Variants in GTF2IRD1 observed in about 807,000 individuals in gnomAD.
The protein encoded by GTF2IRD1 is GTF2I repeat domain containing 1, also known as general transcription factor II-I repeat domain-containing protein 1.
Under a neutral mutation model 113.2 loss-of-function variants are expected in GTF2IRD1, and 26 were observed. That is an observed-to-expected ratio of 0.23 (90% CI 0.17 to 0.32). The LOEUF (loss-of-function observed/expected upper bound fraction) is 0.32. Among genes scored for constraint, GTF2IRD1 ranks in the 10% least tolerant of loss-of-function variants. The pLI, the probability that GTF2IRD1 is intolerant of heterozygous loss-of-function variation, is 1.00. For synonymous variants in GTF2IRD1, 484 were observed against 529.1 expected (o/e 0.91, Z 1.17); for missense variants, 864 against 1,280.8 (o/e 0.67, Z 4.97).
intron 17 of GTF2IRD1, among the ~76,000 whole-genome samples, chr7:74,548,762 G>A (rs1436246761): frequency 3.9e-5 from 6 of 151,980 alleles, no homozygotes; most frequent in African/African-American, 1.4e-4. Context: ...AAATTAGCTG[G>A]GCATGATGGT....
chr7:74,561,688 G>A (rs778637531), intron 22 of GTF2IRD1, among the ~76,000 whole-genome samples: 7 of 152,108 alleles, frequency 4.6e-5, no homozygotes, highest in Non-Finnish European at 8.8e-5. Flanking sequence ...GTGGACACCC[G>A]GCTGAGAGGT....
chr7:74,544,639 G>A, intron 14 of GTF2IRD1, 116 bp from the exon 15 acceptor site: 2 of 884,252 alleles, frequency 2.3e-6, no homozygotes, highest in Non-Finnish European at 3.7e-6. Context: ...TGGGTGCCAT[G>A]CTTCAGAGTT....
At chr7:74,567,043 T>C (rs1269623126) in intron 22 of GTF2IRD1, among the ~76,000 whole-genome samples, 2 of 152,036 alleles carry the variant, frequency 1.3e-5, no homozygotes, top group Admixed American at 1.3e-4. Context: ...CAAAAATGTA[T>C]GGAGGGCCAG....
Position 74,521,249 on chromosome 7 carries a change from G to T in GTF2IRD1, c.958G>T (p.Val320Phe), listed in dbSNP as rs587705657. The T allele has an allele frequency of 6.2e-7, 1 of 1,612,040 alleles. No individual in the cohort carries two copies. Among genetic ancestry groups the T allele is most frequent in the South Asian group, 1.1e-5 (1 of 91,042 alleles). Residue 320 changes from valine (V) to phenylalanine (F), a missense_variant, in exon 7 of 27, where the codon GTC becomes TTC. By Grantham distance (50) the Val-to-Phe change is conservative. Around this residue, in one of 7 missense-constraint regions of GTF2IRD1, gnomAD observed 195 missense variants for 196.6 expected, o/e 0.99. Transcript: ENST00000424337. ...GCCTGGTGGGCCTCTCATCCAGAAC[G>T]TCCATGCCTCCAAGCGCATTCTCTT... Reference protein sequence around the residue: ...TGPGGPLIQNVHASKRILFSI... With the variant: ...TGPGGPLIQNFHASKRILFSI...
intron 3 of GTF2IRD1, 126 bp from the exon 4 acceptor site, chr7:74,515,315 C>T (rs1796865864): frequency 2.0e-6 from 3 of 1,518,552 alleles, no homozygotes; most frequent in Non-Finnish European, 2.7e-6. Context: ...TTCATTCATT[C>T]ATTCACTTGT....
chr7:74,533,166 A>C (rs1200970648), intron 9 of GTF2IRD1, among the ~76,000 whole-genome samples: 9 of 122,734 alleles, frequency 7.3e-5, no homozygotes, highest in East Asian at 2.4e-4. Context: ...ATGGAGTCTC[A>C]CTCTATTGCC....
Position 74,539,900 on chromosome 7 carries a change from A to G in GTF2IRD1, c.1550A>G (p.Glu517Gly), listed in dbSNP as rs1268274407. The change falls in exon 14 of 27, where the codon GAA (glutamate) becomes GGA (glycine). Residue 517 changes from glutamate (E) to glycine (G), a missense_variant. Glu to Gly is a moderately conservative substitution (Grantham distance 98). This residue lies in a region of GTF2IRD1 where 218 missense variants were observed against 352.6 expected (regional missense o/e 0.62). Coordinates refer to ENST00000424337, the MANE Select transcript of GTF2IRD1 (RefSeq NM_005685.4). ...TVPDPSPTSE[E>G]MTDSMPGHLP... ...TCAGACCCCTCGCCAACCTCTGAGG[A>G]AATGACAGACTCGATGCCTGGGCAC... 1.6e-5 allele frequency: 25 copies of G among 1,612,632 alleles called. No individual in the cohort carries two copies. The highest frequency in any genetic ancestry group is 2.7e-5 in the African/African-American group (2 of 74,854).
chr7:74,516,580 T>C (rs1796938645), intron 4 of GTF2IRD1, among the ~76,000 whole-genome samples: 4 of 151,396 alleles, frequency 2.6e-5, no homozygotes, highest in Admixed American at 2.6e-4. Flanking sequence ...TTTGGCTTTA[T>C]CCCTTCTCCT....
intron 1 of GTF2IRD1, 45 bp from the exon 2 acceptor site, chr7:74,508,030 C>G (rs781830083): frequency 1.3e-6 from 2 of 1,571,622 alleles, no homozygotes; most frequent in Non-Finnish European, 1.7e-6. Flanking sequence ...ATGAGACAAG[C>G]CCCCTGCCTT....
chr7:74,550,101 G>A (rs1392141491), intron 17 of GTF2IRD1, among the ~76,000 whole-genome samples: 1 of 151,710 alleles, frequency 6.6e-6, no homozygotes, highest in Non-Finnish European at 1.5e-5. Context: ...AAGAGGCAAA[G>A]AGGAGAATCA....
intron 1 of GTF2IRD1, among the ~76,000 whole-genome samples, chr7:74,457,788 A>G (rs1793081783): frequency 6.6e-6 from 1 of 151,572 alleles, no homozygotes; most frequent in Non-Finnish European, 1.5e-5. Flanking sequence ...TTCAGGGGAC[A>G]CCCATGGAAG....
intron 26 of GTF2IRD1, chr7:74,601,603 T>C: frequency 1.6e-6 from 1 of 634,440 alleles, no homozygotes; most frequent in Non-Finnish European, 2.4e-6. Flanking sequence ...GGAAACCCCA[T>C]CTCTACTAAA....
intron 1 of GTF2IRD1, among the ~76,000 whole-genome samples, chr7:74,484,453 C>CTTT (rs1173256681): frequency 1.6e-5 from 2 of 126,104 alleles, no homozygotes; most frequent in Non-Finnish European, 3.3e-5. Flanking sequence ...GGCCATCCTT[C>CTTT]TTTTTTTTTT....
At chr7:74,524,696 T>TAAATA (rs1554346851) in intron 8 of GTF2IRD1, among the ~76,000 whole-genome samples, 1 of 152,074 alleles carries the variant, frequency 6.6e-6, no homozygotes, top group Non-Finnish European at 1.5e-5. Context: ...CAGAACCCTG[T>TAAATA]CTCTACTAAA....
At chr7:74,589,823 C>A (rs782424045) in intron 22 of GTF2IRD1, 28 bp from the exon 23 acceptor site, 3 of 1,497,044 alleles carry the variant, frequency 2.0e-6, no homozygotes, top group South Asian at 2.3e-5. Context: ...GGTGCCAACT[C>A]TCATGCCCCC....
chr7:74,532,717 AG>A (rs1583813422), intron 9 of GTF2IRD1, among the ~76,000 whole-genome samples: 1 of 152,130 alleles, frequency 6.6e-6, no homozygotes. Flanking sequence ...CAGGAGTGGC[AG>A]GGGAGTGGGG....
chr7:74,523,325 A>C (rs1202046214), intron 7 of GTF2IRD1, among the ~76,000 whole-genome samples: 1 of 152,184 alleles, frequency 6.6e-6, no homozygotes, highest in Non-Finnish European at 1.5e-5. Flanking sequence ...CAGGAGTTCA[A>C]GGCTACAGTG....
intron 1 of GTF2IRD1, among the ~76,000 whole-genome samples, chr7:74,465,924 C>G (rs1417036113): frequency 1.3e-5 from 2 of 152,140 alleles, no homozygotes; most frequent in Non-Finnish European, 2.9e-5. Context: ...CGCCCGCCAC[C>G]ATGCCTGGCT....
intron 4 of GTF2IRD1, among the ~76,000 whole-genome samples, chr7:74,516,133 C>A (rs78208196): frequency 4.6e-5 from 7 of 152,128 alleles, no homozygotes; most frequent in Non-Finnish European, 7.3e-5. Context: ...TTCACATGCC[C>A]TGGACTTCGC....
Sources: allele counts gnomAD v4.1 joint callset (sites outside exome capture counted in the v4.1 genomes callset), GRCh38; gene constraint gnomAD v4.1.1; regional missense constraint gnomAD v4.1.1; transcripts MANE v1.5; gene names NCBI Gene and HGNC (gene_info 2026-07-23, HGNC 2026-07-21).